The following ATCAY variants were observed in gnomAD, a reference collection of about 807,000 sequenced individuals.
ATCAY encodes ATCAY kinesin light chain interacting caytaxin.
A neutral mutation model predicts 47.7 loss-of-function variants in ATCAY; 22 were observed. That is an observed-to-expected ratio of 0.46 (90% CI 0.33 to 0.66). The LOEUF is 0.66. ATCAY is among the 30% of genes least tolerant of loss of function. ATCAY has a pLI of 0.02. For missense variants in ATCAY, 452 were observed against 515.0 expected (o/e 0.88, Z 1.18); for synonymous variants, 216 against 207.6 (o/e 1.04, Z -0.35).
chr19:3,924,542 C>T, intron 12 of ATCAY, 41 bp from the exon 13 acceptor site: 2 of 1,613,376 alleles, frequency 1.2e-6, no homozygotes, highest in African/African-American at 1.3e-5. Context: ...GCACTTTTAA[C>T]ATTAACAGCA....
chr19:3,903,681 G>A (rs192912954), intron 3 of ATCAY, among the ~76,000 whole-genome samples: 1 of 151,740 alleles, frequency 6.6e-6, no homozygotes, highest in Non-Finnish European at 1.5e-5. Flanking sequence ...ACACCACCAT[G>A]GCTGGTTAAT....
chr19:3,924,662 C>A lies in ATCAY; in HGVS notation c.*70C>A, dbSNP rs2039051483. ...CCAGAAAACCTCTGTCAGACGCCCA[C>A]TGGCCCCAGATCTCATCCTGCCTCA... On this transcript the variant is annotated 3_prime_UTR_variant, in exon 13 of 13. Coordinates refer to ENST00000450849, the MANE Select transcript of ATCAY (RefSeq NM_033064.5). The A allele has an allele frequency of 1.9e-6, 3 of 1,570,334 alleles. No homozygotes were observed. The highest frequency in any genetic ancestry group is 2.6e-6 in the Non-Finnish European group (3 of 1,144,852).
chr19:3,895,976 T>C (rs959379512), intron 2 of ATCAY, among the ~76,000 whole-genome samples: 8 of 152,202 alleles, frequency 5.3e-5, no homozygotes, highest in African/African-American at 9.6e-5. Context: ...CTCAGCCTGC[T>C]GAGTAGCTGG....
intron 2 of ATCAY, among the ~76,000 whole-genome samples, chr19:3,892,177 A>T (rs995171375): frequency 3.3e-5 from 5 of 151,334 alleles, no homozygotes; most frequent in Non-Finnish European, 5.9e-5. Flanking sequence ...GGCGTGAGCC[A>T]CCATGCCCAG....
At position 3,915,154 on chromosome 19, in the gene ATCAY, A is replaced by G. The variant is rs2038955898; in HGVS notation, c.965+1298A>G. Among the ~76,000 whole-genome samples the G allele has an allele frequency of 2.0e-5, 3 of 152,110 alleles. No homozygotes were observed. In the South Asian group the frequency reaches 6.2e-4, roughly 32 times the overall value. On this transcript the variant is annotated intron_variant, in intron 9 of 12. Coordinates refer to ENST00000450849, the MANE Select transcript of ATCAY (RefSeq NM_033064.5). Reference sequence around the variant, plus strand: ...TAACATAGAACTTCCCATCTTAGCCATTCCTTTTTTAATTTTATTTATTTA... The same window carrying G: ...TAACATAGAACTTCCCATCTTAGCCGTTCCTTTTTTAATTTTATTTATTTA...
chr19:3,917,584 C>CAAAAAAAAAAAAAAAA (rs71166940), intron 9 of ATCAY, among the ~76,000 whole-genome samples, 158 bp from the exon 10 acceptor site: 2 of 40,836 alleles, frequency 4.9e-5, no homozygotes, highest in Non-Finnish European at 8.5e-5. Context: ...GACTCCATCT[C>CAAAAAAAAAAAAAAAA]AAAAAAAAAA....
At chr19:3,914,158 C>A (rs955538299) in intron 9 of ATCAY, among the ~76,000 whole-genome samples, 3 of 140,364 alleles carry the variant, frequency 2.1e-5, no homozygotes, top group African/African-American at 8.0e-5. Context: ...ATGGCGTGAA[C>A]CCCGGAGGCG....
intron 2 of ATCAY, among the ~76,000 whole-genome samples, chr19:3,898,803 T>G (rs1379213218): frequency 6.6e-6 from 1 of 152,122 alleles, no homozygotes; most frequent in African/African-American, 2.4e-5. Context: ...TGCCTCAGCC[T>G]CCCAAGTAGC....
Position 3,880,946 on chromosome 19 carries a change from T to A in ATCAY, c.-104T>A, listed in dbSNP as rs2038592714. ...CCGGGGAGCGTGAGCGATGCCCAGC[T>A]GCACCCGGGCAGGGCTCGCCTTTGT... is the stretch of plus-strand genomic sequence containing the variant. On this transcript the variant is annotated 5_prime_UTR_variant, in exon 1 of 13. Transcript: ENST00000450849. 1 of 152,218 alleles carries A rather than the reference T, an allele frequency of 6.6e-6. No individual in the cohort carries two copies. Among genetic ancestry groups the A allele is most frequent in the South Asian group, 2.1e-4 (1 of 4,830 alleles). 9.4% of individuals were successfully genotyped at this position (152,218 alleles called of 1,614,324 possible). A position where few individuals can be genotyped will look rare whatever the true frequency, so the allele number is the denominator to read the frequency against.
rs2039083025 is a variant in ATCAY, at chr19:3,927,994, T to C, written c.*3402T>C. On this transcript the variant is annotated 3_prime_UTR_variant, in exon 13 of 13. Coordinates refer to ENST00000450849, the MANE Select transcript of ATCAY (RefSeq NM_033064.5). ...GGTTTTTCAGAACAGAAATGATCAC[T>C]ACGATTGACGACGGTCGTGATGTTA... 6.6e-6 allele frequency: 1 copy of C among 152,208 alleles called. No homozygotes were observed. Among genetic ancestry groups the C allele is most frequent in the Non-Finnish European group, 1.5e-5 (1 of 68,052 alleles). The allele number at this position is 152,208 out of a possible 1,614,324, so 9.4% of individuals were successfully genotyped here.
At chr19:3,887,483 A>ATT (rs2038668667) in intron 2 of ATCAY, among the ~76,000 whole-genome samples, 1 of 148,776 alleles carries the variant, frequency 6.7e-6, no homozygotes, top group East Asian at 2.0e-4. Context: ...TTTTTATTTT[A>ATT]TTTATTTATT....
chr19:3,889,876 C>T (rs1331551466), intron 2 of ATCAY, among the ~76,000 whole-genome samples: 2 of 152,130 alleles, frequency 1.3e-5, no homozygotes, highest in East Asian at 3.8e-4. Flanking sequence ...TAATCATCTC[C>T]AGCGTTATTA....
At chr19:3,892,475 A>G (rs2038726904) in intron 2 of ATCAY, among the ~76,000 whole-genome samples, 1 of 152,198 alleles carries the variant, frequency 6.6e-6, no homozygotes, top group African/African-American at 2.4e-5. Context: ...TGCTGGGATT[A>G]CAGGCATGAG....
chr19:3,900,615 C>A (rs1171963383), intron 2 of ATCAY, among the ~76,000 whole-genome samples: 1 of 152,096 alleles, frequency 6.6e-6, no homozygotes, highest in Non-Finnish European at 1.5e-5. Flanking sequence ...CGGCTCACTG[C>A]AACCTCCGCC....
At chr19:3,914,635 A>G (rs2038951350) in intron 9 of ATCAY, among the ~76,000 whole-genome samples, 1 of 152,070 alleles carries the variant, frequency 6.6e-6, no homozygotes, top group Non-Finnish European at 1.5e-5. Context: ...AGCCTGGCCA[A>G]GATGGTGAAA....
At chr19:3,916,815 G>T (rs1405456432) in intron 9 of ATCAY, among the ~76,000 whole-genome samples, 9 of 144,280 alleles carry the variant, frequency 6.2e-5, no homozygotes, top group African/African-American at 7.6e-5. Context: ...GGTTTTTCTG[G>T]TTTTTTTTTT....
intron 1 of ATCAY, among the ~76,000 whole-genome samples, chr19:3,885,131 A>AAC (rs2038638373): frequency 6.6e-6 from 1 of 150,426 alleles, no homozygotes; most frequent in Non-Finnish European, 1.5e-5. Context: ...AAAAAAAAAA[A>AAC]AAAACAGCCA....
intron 8 of ATCAY, among the ~76,000 whole-genome samples, chr19:3,911,650 G>A (rs898719518): frequency 3.3e-5 from 5 of 151,784 alleles, no homozygotes; most frequent in African/African-American, 4.8e-5. Context: ...TAAACATATA[G>A]TAAAACAGAT....
At chr19:3,902,618 A>T (rs1054010029) in intron 3 of ATCAY, 73 bp downstream of exon 3, 7 of 1,489,214 alleles carry the variant, frequency 4.7e-6, no homozygotes, top group African/African-American at 1.4e-5. Flanking sequence ...CTGGGGCTGT[A>T]ACTGTAGAAA....
Sources: allele counts gnomAD v4.1 joint callset (sites outside exome capture counted in the v4.1 genomes callset), GRCh38; gene constraint gnomAD v4.1.1; transcripts MANE v1.5; gene names NCBI Gene and HGNC (gene_info 2026-07-23, HGNC 2026-07-21).